CCDC191: variants seen among roughly 807,000 people sequenced by gnomAD.
CCDC191 encodes the protein coiled-coil domain-containing protein 191.
In CCDC191, 99 loss-of-function variants were observed where a neutral mutation model predicts 114.0. The ratio of observed to expected loss-of-function variants is 0.87; its 90% CI spans 0.74 to 1.03. The LOEUF is 1.03. Among genes scored for constraint, CCDC191 ranks in the 50% least tolerant of loss-of-function variants. The pLI is 0.00. For synonymous variants in CCDC191, 351 were observed against 376.0 expected, an observed-to-expected ratio of 0.93 and a Z score of 0.77; for missense variants, 973 against 1,087.0, an observed-to-expected ratio of 0.90 and a Z score of 1.47.
At chr3:113,969,065 G>C (rs980279885) in intron 16 of CCDC191, among the ~76,000 whole-genome samples, 12 of 152,204 alleles carry the variant, frequency 7.9e-5, no homozygotes, top group African/African-American at 2.9e-4. Flanking sequence ...GGGGGAGGGA[G>C]GTGCCAGGTT....
At chr3:113,972,133 T>C (rs1167642141) in intron 16 of CCDC191, among the ~76,000 whole-genome samples, 3 of 152,102 alleles carry the variant, frequency 2.0e-5, no homozygotes, top group African/African-American at 7.2e-5. Flanking sequence ...TGGTTTGTTC[T>C]TGCTTTTCTA....
chr3:114,011,181 C>T (rs2076064209), intron 8 of CCDC191, among the ~76,000 whole-genome samples, 160 bp from the exon 9 acceptor site: 1 of 152,164 alleles, frequency 6.6e-6, no homozygotes, highest in African/African-American at 2.4e-5. Flanking sequence ...TTATAAATTC[C>T]CCAGTGCAAA....
At chr3:114,013,560 C>T (rs2076109561) in intron 8 of CCDC191, among the ~76,000 whole-genome samples, 1 of 152,164 alleles carries the variant, frequency 6.6e-6, no homozygotes, top group African/African-American at 2.4e-5. Flanking sequence ...ACATAGGTGC[C>T]AGATAATCAT....
intron 15 of CCDC191, 52 bp downstream of exon 15, chr3:113,978,806 A>C (rs2075031779): frequency 1.9e-6 from 3 of 1,566,422 alleles, no homozygotes; most frequent in South Asian, 1.2e-5. Flanking sequence ...AGTTTTCTTA[A>C]ATAGAATTGA....
intron 4 of CCDC191, among the ~76,000 whole-genome samples, chr3:114,039,003 A>G (rs1451971127): frequency 6.6e-6 from 1 of 152,154 alleles, no homozygotes; most frequent in Non-Finnish European, 1.5e-5. Flanking sequence ...AAACCGGTAC[A>G]TCCTGCACAT....
rs747116452 is a variant in CCDC191 at position 113,978,310 on chromosome 3, C to A, written c.2482G>T (p.Glu828Ter). 1.2e-6 allele frequency: 2 copies of A among 1,613,930 alleles called. No homozygotes were observed. Among genetic ancestry groups the A allele is most frequent in the Admixed American group, 3.3e-5 (2 of 59,972 alleles). ...WLQYVIDLQE[E>*]VRKFCVHFLQ... ...AAATGTACACAAAATTTTCTTACTT[C>A]TTCCTGCAGATCAATCACGTACTGG... Residue 828 changes from glutamate to a stop codon, truncating the protein, a stop_gained, in exon 16 of 17, where the codon GAA (glutamate) becomes TAA (stop). Coordinates refer to ENST00000295878, the MANE Select transcript of CCDC191 (RefSeq NM_020817.2). LOFTEE classifies it high-confidence loss of function.
chr3:114,008,309 T>C (rs12633913), intron 9 of CCDC191, among the ~76,000 whole-genome samples: 2,548 of 151,754 alleles, frequency 0.017, 61 homozygotes, highest in East Asian at 0.08. Context: ...GGTAGATACA[T>C]TGCCTAGGGG....
chr3:114,025,318 T>A (rs1302483139), intron 7 of CCDC191, among the ~76,000 whole-genome samples: 1 of 147,304 alleles, frequency 6.8e-6, no homozygotes, highest in Non-Finnish European at 1.5e-5. Context: ...AAACAAAGAA[T>A]AAACCTTTAC....
At chr3:113,983,190 C>CTT (rs1207192467) in intron 13 of CCDC191, among the ~76,000 whole-genome samples, 3 of 152,160 alleles carry the variant, frequency 2.0e-5, no homozygotes, top group African/African-American at 7.2e-5. Flanking sequence ...AACAGAAATA[C>CTT]TTTTTTCTCT....
intron 8 of CCDC191, among the ~76,000 whole-genome samples, chr3:114,011,858 T>C (rs2076075982): frequency 6.6e-6 from 1 of 152,220 alleles, no homozygotes; most frequent in Non-Finnish European, 1.5e-5. Flanking sequence ...AATTCAAACA[T>C]AGAGGTCTGA....
upstream of CCDC191, chr3:114,056,530 TC>T: frequency 6.2e-7 from 1 of 1,611,706 alleles, no homozygotes; most frequent in Non-Finnish European, 8.5e-7. Context: ...CCGGGCTGCC[TC>T]CGGGTCACGC....
intron 13 of CCDC191, among the ~76,000 whole-genome samples, chr3:113,983,353 C>G (rs1406358090): frequency 6.6e-6 from 1 of 152,106 alleles, no homozygotes; most frequent in African/African-American, 2.4e-5. Context: ...TACTTCCAGA[C>G]CATTATAAAC....
chr3:113,991,816 T>C (rs2075575587), intron 13 of CCDC191, among the ~76,000 whole-genome samples: 1 of 152,172 alleles, frequency 6.6e-6, no homozygotes, highest in Non-Finnish European at 1.5e-5. Flanking sequence ...TTTAGCAAGA[T>C]TGCAGGATAC....
At chr3:114,032,049 C>T (rs992520817) in intron 6 of CCDC191, among the ~76,000 whole-genome samples, 1 of 152,068 alleles carries the variant, frequency 6.6e-6, no homozygotes, top group African/African-American at 2.4e-5. Flanking sequence ...GAGTTGCACA[C>T]TGAGCCATAC....
Position 114,004,079 on chromosome 3 carries a change from G to A in CCDC191, c.1978+558C>T, listed in dbSNP as rs2075902026. The A allele has an allele frequency of 4.2e-6, 4 of 944,750 alleles. No individual in the cohort carries two copies. The South Asian group carries it at 2.0e-4, about 46-fold the overall frequency. 58.5% of individuals were successfully genotyped at this position (944,750 alleles called of 1,614,324 possible). A position where few individuals can be genotyped will look rare whatever the true frequency, so the allele number is the denominator to read the frequency against. Reference sequence around the variant, plus strand: ...AGGCCAGGAGTTTGAGACCAGCCTGGGCAACACAGGAAGACCCTGCCTGTA... The same window carrying A: ...AGGCCAGGAGTTTGAGACCAGCCTGAGCAACACAGGAAGACCCTGCCTGTA... On this transcript the variant is annotated intron_variant, in intron 11 of 16. Coordinates refer to ENST00000295878, the MANE Select transcript of CCDC191 (RefSeq NM_020817.2).
At chr3:114,015,155 T>TA (rs1035336559) in intron 8 of CCDC191, among the ~76,000 whole-genome samples, 65 of 146,880 alleles carry the variant, frequency 4.4e-4, no homozygotes, top group South Asian at 6.4e-4. Context: ...CCTGTTAAAA[T>TA]AAAAAAAAAA....
intron 11 of CCDC191, 32 bp from the exon 12 acceptor site, chr3:114,002,570 T>C: frequency 2.6e-6 from 4 of 1,528,348 alleles, no homozygotes; most frequent in Non-Finnish European, 3.6e-6. Flanking sequence ...CTAATATTTT[T>C]TATATTGAAA....
intron 13 of CCDC191, among the ~76,000 whole-genome samples, chr3:113,994,724 C>G (rs2075672884): frequency 1.3e-5 from 2 of 151,904 alleles, no homozygotes; most frequent in South Asian, 4.2e-4. Flanking sequence ...GCTGGGACTA[C>G]AGGTGCATGT....
At chr3:114,044,473 T>G (rs1306183217) in intron 3 of CCDC191, among the ~76,000 whole-genome samples, 1 of 152,248 alleles carries the variant, frequency 6.6e-6, no homozygotes, top group African/African-American at 2.4e-5. Flanking sequence ...CCTTCATCAT[T>G]ATGATGATCA....
Sources: gnomAD v4.1 joint callset for allele counts (sites outside exome capture counted in the v4.1 genomes callset) on GRCh38, gnomAD v4.1.1 for gene constraint, MANE v1.5 for transcripts, NCBI Gene and HGNC (gene_info 2026-07-23, HGNC 2026-07-21) for gene names.